SPINK5: variants seen among roughly 807,000 people sequenced by gnomAD.
SPINK5 encodes serine protease inhibitor Kazal-type 5.
A neutral mutation model predicts 151.8 loss-of-function variants in SPINK5; 125 were observed. The observed-to-expected ratio is 0.82, with a 90% CI of 0.71 to 0.96. The LOEUF (loss-of-function observed/expected upper bound fraction) is 0.96. Ranked by LOEUF, SPINK5 falls within the 40% of genes least tolerant of loss-of-function variation. SPINK5 has a pLI of 0.00. For synonymous variants in SPINK5, 374 were observed against 395.3 expected, an observed-to-expected ratio of 0.95 and a Z score of 0.64; for missense variants, 1,194 against 1,291.9, an observed-to-expected ratio of 0.92 and a Z score of 1.16.
intron 31 of SPINK5, among the ~76,000 whole-genome samples, chr5:148,131,701 C>A (rs1180437613): frequency 6.6e-6 from 1 of 152,056 alleles, no homozygotes; most frequent in Non-Finnish European, 1.5e-5. Context: ...GGAGTGTGAA[C>A]ATCATTCATT....
At chr5:148,106,975 A>C (rs966090238) in intron 16 of SPINK5, 62 bp from the exon 17 acceptor site, 1 of 1,597,740 alleles carries the variant, frequency 6.3e-7, no homozygotes, top group African/African-American at 1.3e-5. Flanking sequence ...ATTCCTCATA[A>C]TAGGAAAAGA....
At position 148,094,370 on chromosome 5, in the gene SPINK5, A is replaced by T; in HGVS notation, c.683A>T (p.Tyr228Phe). Residue 228 changes from tyrosine (Y) to phenylalanine (F), a missense_variant, in exon 9 of 33, where the codon TAT becomes TTT. Physicochemically the swap from Tyr to Phe is conservative, Grantham distance 22. Transcript: ENST00000256084. ...RNAEKDFCKE[Y>F]EKQVRNGRLF... is the part of the protein sequence containing the mutation. ...TTTTCAAAGGATTTTTGCAAGGAAT[A>T]TGAAAAACAAGTGAGAAATGGAAGG... 6.2e-7 allele frequency: 1 copy of T among 1,612,524 alleles called. No homozygotes were observed. The highest frequency in any genetic ancestry group is 1.1e-5 in the South Asian group (1 of 91,076).
At chr5:148,066,436 A>G (rs1752588201) in intron 2 of SPINK5, among the ~76,000 whole-genome samples, 1 of 152,170 alleles carries the variant, frequency 6.6e-6, no homozygotes, top group African/African-American at 2.4e-5. Flanking sequence ...ACATTAAAGG[A>G]ATAAAAATGT....
intron 29 of SPINK5, among the ~76,000 whole-genome samples, chr5:148,126,224 TG>T (rs34365234): frequency 6.6e-6 from 1 of 152,186 alleles, no homozygotes; most frequent in Non-Finnish European, 1.5e-5. Context: ...ATCAGAATCT[TG>T]GGGCTATGGA....
intron 16 of SPINK5, 101 bp downstream of exon 16, chr5:148,105,101 A>C (rs1753747709): frequency 2.3e-6 from 3 of 1,304,684 alleles, no homozygotes; most frequent in Non-Finnish European, 3.2e-6. Flanking sequence ...TTTAATTTTC[A>C]TGCCTGAAAT....
rs1754085491 is a variant in SPINK5, at chr5:148,116,227, G to T, written c.2016-143G>T. 7 of 763,424 alleles carry T rather than the reference G, an allele frequency of 9.2e-6. No homozygotes were observed. The East Asian group carries it at 1.9e-4, about 21-fold the overall frequency. The allele number at this position is 763,424 out of a possible 1,614,324, so 47.3% of individuals were successfully genotyped here. On this transcript the variant is annotated intron_variant, in intron 21 of 32. Transcript: ENST00000256084. ...TATAATTTATATTTTTATTTTTAGA[G>T]AAGGCCTGCAGCATAGTAGATGTTA...
chr5:148,101,549 G>A, intron 14 of SPINK5, 113 bp downstream of exon 14: 2 of 1,051,744 alleles, frequency 1.9e-6, no homozygotes, highest in Non-Finnish European at 2.9e-6. Context: ...TACAGTTTGT[G>A]TTTTCATATG....
In SPINK5 at chr5:148,101,016, TA is replaced by T. The variant is rs1179673055; in HGVS notation, c.1221-336del. On this transcript the variant is annotated intron_variant, in intron 13 of 32. Transcript: ENST00000256084. ...ATCAGTACAGACTTTACAGGCAGAT[TA>T]AAGCAAAGGCTTGGGAGTCATTAGA... is the stretch of plus-strand genomic sequence containing the variant. 2.0e-5 allele frequency among the ~76,000 whole-genome samples: 3 copies of T among 152,138 alleles called. No homozygotes were observed. The East Asian group carries it at 5.8e-4, about 29-fold the overall frequency.
intron 15 of SPINK5, 125 bp downstream of exon 15, chr5:148,102,033 A>G: frequency 7.2e-7 from 1 of 1,382,162 alleles, no homozygotes; most frequent in Non-Finnish European, 1.0e-6. Flanking sequence ...TGGGTGTCAT[A>G]TTTAAATGGA....
At position 148,072,959 on chromosome 5, in the gene SPINK5, G is replaced by A. The variant is rs182908132; in HGVS notation, c.282+739G>A. Among the ~76,000 whole-genome samples, 15 of 151,338 alleles carry A rather than the reference G, an allele frequency of 9.9e-5. No homozygotes were observed. The East Asian group carries it at 2.7e-3, about 28-fold the overall frequency. On this transcript the variant is annotated intron_variant, in intron 4 of 32. Coordinates refer to ENST00000256084, the MANE Select transcript of SPINK5 (RefSeq NM_006846.4). ...TCCTACTATATAAACCATTTCACTT[G>A]ATAATTTTTTTCACTTAGAAACATT...
intron 8 of SPINK5, 36 bp downstream of exon 8, chr5:148,091,264 GC>G: frequency 6.3e-7 from 1 of 1,589,568 alleles, no homozygotes; most frequent in Non-Finnish European, 8.6e-7. Flanking sequence ...TGTTCTTGTG[GC>G]CATATTTATT....
At chr5:148,112,564 T>A (rs1047851881) in intron 19 of SPINK5, among the ~76,000 whole-genome samples, 2 of 152,040 alleles carry the variant, frequency 1.3e-5, no homozygotes, top group African/African-American at 2.4e-5. Flanking sequence ...TCCCAGCTAC[T>A]TGGGAGGCTG....
intron 30 of SPINK5, among the ~76,000 whole-genome samples, chr5:148,129,280 A>T (rs1432024456): frequency 6.6e-6 from 1 of 152,202 alleles, no homozygotes; most frequent in Admixed American, 6.5e-5. Context: ...TGAGAAGACT[A>T]ATATGATTTG....
At chr5:148,081,756 G>A (rs1425608564) in intron 4 of SPINK5, among the ~76,000 whole-genome samples, 2 of 151,698 alleles carry the variant, frequency 1.3e-5, no homozygotes, top group African/African-American at 2.4e-5. Context: ...GAATTTTATA[G>A]TATATAACTA....
rs113354505 is a variant in SPINK5, at chr5:148,106,385, G to A, written c.1480-652G>A. Among the ~76,000 whole-genome samples the A allele has an allele frequency of 6.9e-3, 1,050 of 152,054 alleles. 11 individuals are homozygous for A. The highest frequency in any genetic ancestry group is 0.023 in the African/African-American group (953 of 41,494). The stretch of plus-strand genomic sequence containing the variant: ...TGCCCAGGCTGTAGTGTAGTGGTGC[G>A]ATCAAAGCTCACTACAACTTCGAAC... On this transcript the variant is annotated intron_variant, in intron 16 of 32. Coordinates refer to ENST00000256084, the MANE Select transcript of SPINK5 (RefSeq NM_006846.4).
intron 4 of SPINK5, among the ~76,000 whole-genome samples, chr5:148,075,237 T>C (rs1023553338): frequency 1.3e-5 from 2 of 151,672 alleles, no homozygotes; most frequent in African/African-American, 2.4e-5. Context: ...ACCTCTACAC[T>C]TCAGCAAGTT....
chr5:148,076,739 G>A (rs747027301), intron 4 of SPINK5, among the ~76,000 whole-genome samples: 9 of 151,558 alleles, frequency 5.9e-5, no homozygotes, highest in Non-Finnish European at 8.9e-5. Flanking sequence ...TGAATAAGCC[G>A]ATAAAAACTT....
At chr5:148,123,762 C>T (rs1394373956) in intron 26 of SPINK5, 71 bp from the exon 27 acceptor site, 60 of 1,599,412 alleles carry the variant, frequency 3.8e-5, no homozygotes, top group Non-Finnish European at 4.6e-5. Flanking sequence ...TATATCTAAT[C>T]GGTCAATCAT....
At chr5:148,098,144 G>T in intron 11 of SPINK5, 150 bp downstream of exon 11, 1 of 761,684 alleles carries the variant, frequency 1.3e-6, no homozygotes, top group Non-Finnish European at 2.2e-6. Flanking sequence ...ATAGAGCTGG[G>T]AGTAAGTACC....
Sources: allele counts gnomAD v4.1 joint callset (sites outside exome capture counted in the v4.1 genomes callset), GRCh38; gene constraint gnomAD v4.1.1; transcripts MANE v1.5; gene names NCBI Gene and HGNC (gene_info 2026-07-23, HGNC 2026-07-21).